Variants in CFAP251 observed in about 807,000 individuals in gnomAD.
CFAP251 encodes cilia and flagella associated protein 251, also known as cilia- and flagella-associated protein 251.
A neutral mutation model predicts 126.7 loss-of-function variants in CFAP251; 93 were observed. That is an observed-to-expected ratio of 0.73 (90% CI 0.62 to 0.87). CFAP251 has a LOEUF of 0.87. Among genes scored for constraint, CFAP251 ranks in the 40% least tolerant of loss-of-function variants. The pLI is 0.00. For synonymous variants in CFAP251, 503 were observed against 506.9 expected (o/e 0.99, Z 0.10); for missense variants, 1,287 against 1,389.2 (o/e 0.93, Z 1.17).
At chr12:121,994,040 C>T (rs1368552115) in intron 19 of CFAP251, among the ~76,000 whole-genome samples, 9 of 113,212 alleles carry the variant, frequency 7.9e-5, no homozygotes, top group African/African-American at 2.9e-4. Context: ...GGTCAGCCCC[C>T]CCGCCTGGCC....
intron 16 of CFAP251, 127 bp from the exon 17 acceptor site, chr12:121,967,879 C>A: frequency 1.1e-6 from 1 of 874,866 alleles, no homozygotes; most frequent in Non-Finnish European, 1.7e-6. Flanking sequence ...GGCTCTCACA[C>A]TCAGAGATGG....
At chr12:122,001,401 A>T in intron 20 of CFAP251, 96 bp from the exon 21 acceptor site, 1 of 1,147,240 alleles carries the variant, frequency 8.7e-7, no homozygotes, top group Non-Finnish European at 1.3e-6. Flanking sequence ...ATAGTGGGAT[A>T]ATTCTCTTTA....
In CFAP251 at chr12:121,934,361, G is replaced by T. The variant is rs1880809175; in HGVS notation, c.998+5G>T. The T allele has an allele frequency of 6.2e-7, 1 of 1,603,146 alleles. No homozygotes were observed. The highest frequency in any genetic ancestry group is 2.2e-5 in the East Asian group (1 of 44,802). Reference sequence around the variant, plus strand: ...TATATGGGACTCCTTCACAGGGTAGGCTTTGTGTAGCCACTTCTTTTTTCC... The same window carrying T: ...TATATGGGACTCCTTCACAGGGTAGTCTTTGTGTAGCCACTTCTTTTTTCC... On this transcript the variant is annotated splice_donor_5th_base_variant and intron_variant, in intron 5 of 21. Transcript: ENST00000288912.
chr12:121,949,216 C>T, intron 8 of CFAP251, 155 bp downstream of exon 8: 1 of 392,746 alleles, frequency 2.5e-6, no homozygotes, highest in African/African-American at 2.1e-5. Flanking sequence ...AGTATTTAGT[C>T]CTATTAGAAA....
intron 19 of CFAP251, among the ~76,000 whole-genome samples, chr12:121,986,629 G>T (rs532089398): frequency 6.6e-6 from 1 of 151,046 alleles, no homozygotes; most frequent in East Asian, 2.0e-4. Context: ...GCTGGATGTA[G>T]TGGCTCACGC....
Position 121,923,843 on chromosome 12 carries a change from C to T in CFAP251, c.600C>T (p.Asp200=), listed in dbSNP as rs747577416. 5.0e-6 allele frequency: 8 copies of T among 1,613,998 alleles called. No homozygotes were observed. Among genetic ancestry groups the T allele is most frequent in the Non-Finnish European group, 8.5e-7 (1 of 1,180,038 alleles). The stretch of plus-strand genomic sequence containing the variant: ...ATGAACTGGGACAAGAAAGAAGGGA[C>T]TTGGAGCCAGAAAACAGAGAGGAGG... The part of the protein sequence containing the change: ...PQDELGQERR[D]LEPENREEGQ... Residue 200 remains aspartate, a synonymous_variant, in exon 3 of 22, where the codon GAC becomes GAT. Transcript: ENST00000288912.
At chr12:121,983,830 G>A (rs2135806266) in intron 19 of CFAP251, among the ~76,000 whole-genome samples, 2 of 152,248 alleles carry the variant, frequency 1.3e-5, no homozygotes, top group East Asian at 3.8e-4. Flanking sequence ...TAGCTGATGA[G>A]TTAGTTTATA....
chr12:121,968,679 T>TG (rs1158256700), intron 17 of CFAP251, among the ~76,000 whole-genome samples: 1 of 152,104 alleles, frequency 6.6e-6, no homozygotes, highest in Non-Finnish European at 1.5e-5. Context: ...CTACTGGCTA[T>TG]GGGGCCTAGG....
chr12:121,983,507 T>C (rs949413533), intron 19 of CFAP251, among the ~76,000 whole-genome samples: 1 of 152,104 alleles, frequency 6.6e-6, no homozygotes, highest in Non-Finnish European at 1.5e-5. Flanking sequence ...ATCTTGCTGA[T>C]GAAGAAAAGG....
intron 14 of CFAP251, among the ~76,000 whole-genome samples, chr12:121,961,559 C>A (rs746930394): frequency 6.6e-6 from 1 of 152,166 alleles, no homozygotes; most frequent in Admixed American, 6.5e-5. Context: ...TATAACAGAA[C>A]TGTAAGACGT....
chr12:121,978,804 T>C (rs1369594765), intron 19 of CFAP251, among the ~76,000 whole-genome samples: 2 of 152,306 alleles, frequency 1.3e-5, no homozygotes, highest in African/African-American at 4.8e-5. Context: ...TTGTCTAAAG[T>C]AGCTGGTGTC....
At chr12:121,939,782 C>T (rs1439937475) in intron 5 of CFAP251, among the ~76,000 whole-genome samples, 2 of 152,158 alleles carry the variant, frequency 1.3e-5, no homozygotes, top group Non-Finnish European at 1.5e-5. Flanking sequence ...AGTTCTTCCT[C>T]CAGTTTTTCG....
At position 121,974,383 on chromosome 12, in the gene CFAP251, T is replaced by C. The variant is rs1882406626; in HGVS notation, c.2772-861T>C. ...ACCGTGTCTGCGTTTATTTATTAAT[T>C]CTTACAACAATGCTGTGAGGCAGAA... is the stretch of plus-strand genomic sequence containing the variant. On this transcript the variant is annotated intron_variant, in intron 17 of 21. Transcript: ENST00000288912. The surrounding 1 kb of genome is among the most constrained non-coding windows in gnomAD (Gnocchi z 4.6). Among the ~76,000 whole-genome samples, 1 of 152,210 alleles carries C rather than the reference T, an allele frequency of 6.6e-6. No individual in the cohort carries two copies. The highest frequency in any genetic ancestry group is 2.4e-5 in the African/African-American group (1 of 41,442).
At chr12:121,995,144 G>C (rs1001863902) in intron 19 of CFAP251, among the ~76,000 whole-genome samples, 5 of 152,156 alleles carry the variant, frequency 3.3e-5, no homozygotes, top group African/African-American at 4.8e-5. Context: ...GAAGGAATGT[G>C]AGTAACTCAC....
chr12:121,992,008 G>A (rs769905968), intron 19 of CFAP251, among the ~76,000 whole-genome samples: 2 of 152,000 alleles, frequency 1.3e-5, no homozygotes, highest in Non-Finnish European at 2.9e-5. Flanking sequence ...AAAAAATCAG[G>A]TTCTCAGGGA....
intron 13 of CFAP251, 118 bp from the exon 14 acceptor site, chr12:121,960,467 C>G: frequency 9.0e-7 from 1 of 1,105,686 alleles, no homozygotes; most frequent in Non-Finnish European, 1.3e-6. Context: ...ATCCACCCGC[C>G]TCGGCCTCCC....
chr12:121,992,567 ATTTCTTTTTTT>A (rs1487718684), intron 19 of CFAP251: 12 of 854,492 alleles, frequency 1.4e-5, no homozygotes, highest in Non-Finnish European at 1.5e-5. Flanking sequence ...TATATATATT[ATTTCTTTTTTT>A]TTTCTTTTTC....
intron 4 of CFAP251, chr12:121,932,862 G>A (rs938345396): frequency 6.6e-6 from 1 of 152,412 alleles, no homozygotes; most frequent in Non-Finnish European, 1.5e-5. Flanking sequence ...ACTGAACACA[G>A]TGGTGATGGC....
chr12:121,963,445 G>A (rs80210329), intron 15 of CFAP251, among the ~76,000 whole-genome samples: 18 of 151,440 alleles, frequency 1.2e-4, no homozygotes, highest in African/African-American at 3.9e-4. Context: ...TGGAGGTCCC[G>A]GGAGAGGCTG....
Sources: allele counts gnomAD v4.1 joint callset (sites outside exome capture counted in the v4.1 genomes callset), GRCh38; gene constraint gnomAD v4.1.1; non-coding constraint Gnocchi (gnomAD v3.1); transcripts MANE v1.5; gene names NCBI Gene and HGNC (gene_info 2026-07-23, HGNC 2026-07-21).